The following MYH14 variants were observed in gnomAD, a reference collection of about 807,000 sequenced individuals.
MYH14 encodes myosin heavy chain 14.
Under a neutral mutation model 255.5 loss-of-function variants are expected in MYH14, and 123 were observed. That is an observed-to-expected ratio of 0.48 (90% CI 0.42 to 0.56). MYH14 has a LOEUF of 0.56. Ranked by LOEUF, MYH14 falls within the 20% of genes least tolerant of loss-of-function variation. MYH14 has a pLI of 0.00. For missense variants in MYH14, 2,423 were observed against 2,802.3 expected (o/e 0.86, Z 3.06); for synonymous variants, 1,095 against 1,161.2 (o/e 0.94, Z 1.16).
chr19:50,304,760 C>T (rs960674696), intron 40 of MYH14, among the ~76,000 whole-genome samples: 2 of 152,246 alleles, frequency 1.3e-5, no homozygotes, highest in African/African-American at 4.8e-5. Flanking sequence ...GGCCTATGAA[C>T]TAGAAGGGTT....
In MYH14 at chr19:50,301,878, G is replaced by C; in HGVS notation, c.5678+9G>C. The C allele has an allele frequency of 1.2e-6, 2 of 1,604,446 alleles. No homozygotes were observed. Among genetic ancestry groups the C allele is most frequent in the South Asian group, 1.1e-5 (1 of 89,896 alleles). ...CTAGAGCAAGAGACCAGGTAGGTGA[G>C]AGCGGAGGCCACAGGAGAAAGGTGA... On this transcript the variant is annotated intron_variant, in intron 40 of 42. Transcript: ENST00000642316.
chr19:50,224,045 T>TCCCCCCCCCCCCCCCCCCC, intron 5 of MYH14, 109 bp from the exon 6 acceptor site: 2 of 316,166 alleles, frequency 6.3e-6, no homozygotes, highest in South Asian at 3.6e-5. Context: ...CCAGTCCCCC[T>TCCCCCCCCCCCCCCCCCCC]TCCCCCACCC....
At chr19:50,269,384 G>A (rs565792095) in intron 24 of MYH14, among the ~76,000 whole-genome samples, 2 of 152,282 alleles carry the variant, frequency 1.3e-5, no homozygotes, top group Middle Eastern at 3.4e-3. Context: ...GTTTCAGTAT[G>A]TTGGCCAGGC....
chr19:50,295,408 A>G (rs542931602), intron 39 of MYH14, among the ~76,000 whole-genome samples: 31 of 152,120 alleles, frequency 2.0e-4, no homozygotes, highest in South Asian at 4.2e-4. Flanking sequence ...TTGGGAGGCC[A>G]AGGTGGAAGG....
chr19:50,250,226 G>A lies in MYH14; in HGVS notation c.1657-289G>A, dbSNP rs569606676. 1.0e-3 allele frequency among the ~76,000 whole-genome samples: 138 copies of A among 134,934 alleles called. No homozygotes were observed. Among genetic ancestry groups the A allele is most frequent in the Non-Finnish European group, 1.8e-3 (109 of 61,550 alleles). The allele number at this position is 134,934 out of a possible 152,430, so 88.5% of individuals were successfully genotyped here. ...CGCCATTCTCCTGCCTCAGCCTCCC[G>A]AGTAGCTGGGACTACAGGTGCCCGC... On this transcript the variant is annotated intron_variant, in intron 14 of 42. Transcript: ENST00000642316. This position sits in a 1 kb window ranked among gnomAD's most constrained non-coding sequence, Gnocchi z 5.4.
At chr19:50,302,284 T>TAAAAAAAAAAAAAA (rs57153887) in intron 40 of MYH14, among the ~76,000 whole-genome samples, 14 of 117,374 alleles carry the variant, frequency 1.2e-4, no homozygotes, top group East Asian at 2.7e-4. Context: ...ACCTTGTCTC[T>TAAAAAAAAAAAAAA]AAAAAAAAAA....
At chr19:50,264,505 C>T (rs1469062425) in intron 22 of MYH14, among the ~76,000 whole-genome samples, 1 of 152,232 alleles carries the variant, frequency 6.6e-6, no homozygotes, top group East Asian at 1.9e-4. Context: ...AAGGGCCAGA[C>T]TTTTCTTAGG....
chr19:50,284,182 C>T (rs2035815910), intron 33 of MYH14, among the ~76,000 whole-genome samples: 1 of 151,928 alleles, frequency 6.6e-6, no homozygotes, highest in Admixed American at 6.6e-5. Context: ...TATTTTTGTC[C>T]AGTCTGTGGC....
intron 1 of MYH14, among the ~76,000 whole-genome samples, chr19:50,208,590 G>C (rs1043950446): frequency 6.6e-6 from 1 of 152,058 alleles, no homozygotes; most frequent in Non-Finnish European, 1.5e-5. Flanking sequence ...TGTCTCCTGG[G>C]ATTACAGCAG....
chr19:50,206,408 T>G (rs2031753315), intron 1 of MYH14, among the ~76,000 whole-genome samples: 1 of 3,004 alleles, frequency 3.3e-4, no homozygotes, highest in Non-Finnish European at 5.5e-4. Context: ...AGGAAGTGGA[T>G]GGGGTGGGGT....
intron 10 of MYH14, among the ~76,000 whole-genome samples, chr19:50,233,064 G>A (rs2033482964): frequency 6.6e-6 from 1 of 152,104 alleles, no homozygotes; most frequent in South Asian, 2.1e-4. Flanking sequence ...GAAGGCTCAG[G>A]ACGCTGTCCC....
chr19:50,277,023 C>T (rs137999306), intron 29 of MYH14, 122 bp downstream of exon 29: 46 of 683,968 alleles, frequency 6.7e-5, no homozygotes, highest in African/African-American at 4.3e-4. Flanking sequence ...CCTTTCCTCA[C>T]GCATTCATGT....
intron 39 of MYH14, among the ~76,000 whole-genome samples, chr19:50,296,606 C>CA (rs1054167445): frequency 9.2e-5 from 14 of 151,718 alleles, no homozygotes; most frequent in African/African-American, 2.2e-4. Context: ...GACCCTGTCT[C>CA]AAAAAAAAGA....
intron 33 of MYH14, among the ~76,000 whole-genome samples, chr19:50,282,781 G>T (rs1447971517): frequency 6.6e-6 from 1 of 152,108 alleles, no homozygotes; most frequent in East Asian, 1.9e-4. Flanking sequence ...TTTTCTAGCT[G>T]ACTTACGATT....
At chr19:50,273,884 G>A (rs966749698) in intron 27 of MYH14, among the ~76,000 whole-genome samples, 2 of 152,102 alleles carry the variant, frequency 1.3e-5, no homozygotes, top group South Asian at 2.1e-4. Context: ...TGATCCATTC[G>A]CTGAGGTTAG....
At chr19:50,295,350 A>C (rs1459040038) in intron 39 of MYH14, among the ~76,000 whole-genome samples, 1 of 148,034 alleles carries the variant, frequency 6.8e-6, no homozygotes, top group Non-Finnish European at 1.5e-5. Flanking sequence ...AAAACAAAAC[A>C]AAAAAAACAG....
chr19:50,299,314 G>GAC (rs2036392252), intron 39 of MYH14, among the ~76,000 whole-genome samples: 1 of 151,942 alleles, frequency 6.6e-6, no homozygotes, highest in African/African-American at 2.4e-5. Context: ...TCACATCTGT[G>GAC]ATTCCAGCAC....
At position 50,281,723 on chromosome 19, in the gene MYH14, G is replaced by A. The variant is rs2035728679; in HGVS notation, c.4420G>A (p.Asp1474Asn). ...CCTGGCAGAAAAGACAGAGACCGTG[G>A]ATCGGCTGGAGCGGGGCCGCCGCCG... ...QRLAEKTETV[D>N]RLERGRRRLQ... Residue 1474 changes from aspartate (D) to asparagine (N), a missense_variant, in exon 33 of 43, where the codon GAT (aspartate) becomes AAT (asparagine). This residue lies in a region of MYH14 where 1,513 missense variants were observed against 1,674.8 expected (regional missense o/e 0.90). Transcript: ENST00000642316. The A allele has an allele frequency of 1.2e-6, 2 of 1,612,228 alleles. No individual in the cohort carries two copies. The highest frequency in any genetic ancestry group is 1.7e-6 in the Non-Finnish European group (2 of 1,179,666).
Position 50,251,542 on chromosome 19 carries a change from AC to A in MYH14, c.1830+855del, listed in dbSNP as rs1363512109. On this transcript the variant is annotated intron_variant, in intron 15 of 42. Transcript: ENST00000642316. Reference sequence around the variant, plus strand: ...ACACTACACACACACACACACACACACACACACACACACACACACACACACA... The same window carrying A: ...ACACTACACACACACACACACACACAACACACACACACACACACACACACA... Among the ~76,000 whole-genome samples the A allele has an allele frequency of 3.1e-3, 433 of 140,150 alleles. 3 individuals carry two copies. The highest frequency in any genetic ancestry group is 0.012 in the African/African-American group (418 of 36,180). 91.9% of individuals were successfully genotyped at this position (140,150 alleles called of 152,430 possible). A position where few individuals can be genotyped will look rare whatever the true frequency, so the allele number is the denominator to read the frequency against.
Sources: allele counts gnomAD v4.1 joint callset (sites outside exome capture counted in the v4.1 genomes callset), GRCh38; gene constraint gnomAD v4.1.1; regional missense constraint gnomAD v4.1.1; non-coding constraint Gnocchi (gnomAD v3.1); transcripts MANE v1.5; gene names NCBI Gene and HGNC (gene_info 2026-07-23, HGNC 2026-07-21).